The following SCHIP1 variants were observed in gnomAD, a reference collection of about 807,000 sequenced individuals.
SCHIP1 encodes schwannomin-interacting protein 1.
A neutral mutation model predicts 29.7 loss-of-function variants in SCHIP1; 8 were observed. The observed-to-expected ratio is 0.27, with a 90% CI of 0.16 to 0.49. SCHIP1 has a LOEUF of 0.49. SCHIP1 is among the 20% of genes least tolerant of loss of function. The pLI, the probability that SCHIP1 is intolerant of heterozygous loss-of-function variation, is 0.99. For synonymous variants in SCHIP1, 76 were observed against 94.9 expected (o/e 0.80, Z 1.16); for missense variants, 193 against 294.6 (o/e 0.66, Z 2.52).
In SCHIP1 at chr3:159,866,697, C is replaced by G. The variant is rs539029230; in HGVS notation, c.149+416C>G. ...ATTTGATTGCAATAAATACTCGTAA[C>G]TGAGAAATACAATTCCCGCTTTGAT... On this transcript the variant is annotated intron_variant, in intron 2 of 6. Coordinates refer to ENST00000445224, the Ensembl canonical transcript of SCHIP1. 7.2e-5 allele frequency among the ~76,000 whole-genome samples: 11 copies of G among 152,212 alleles called. 1 individual carries two copies. The South Asian group carries it at 2.3e-3, about 32-fold the overall frequency.
the SCHIP1 span, among the ~76,000 whole-genome samples, chr3:159,719,076 C>A: frequency 6.6e-6 from 1 of 152,096 alleles, no homozygotes; most frequent in Admixed American, 6.5e-5. Context: ...AGAAATGATA[C>A]CACACATCTA....
chr3:159,758,628 G>A, the SCHIP1 span, among the ~76,000 whole-genome samples: 1 of 152,226 alleles, frequency 6.6e-6, no homozygotes, highest in African/African-American at 2.4e-5. Context: ...CCTGTCAAGA[G>A]AGCACATTTC....
the SCHIP1 span, among the ~76,000 whole-genome samples, chr3:159,415,237 C>G: frequency 1.3e-5 from 2 of 152,026 alleles, no homozygotes; most frequent in East Asian, 3.9e-4. Context: ...GCAAATTACT[C>G]CAACTGAGTG....
chr3:159,599,396 A>G, the SCHIP1 span, among the ~76,000 whole-genome samples: 1 of 152,080 alleles, frequency 6.6e-6, no homozygotes, highest in African/African-American at 2.4e-5. Flanking sequence ...GTGGTGTTTT[A>G]TCCCTCACCC....
chr3:159,422,466 A>G, the SCHIP1 span, among the ~76,000 whole-genome samples: 1 of 152,192 alleles, frequency 6.6e-6, no homozygotes, highest in Admixed American at 6.5e-5. Context: ...TAAATCTTTT[A>G]TTGACATTTG....
At chr3:159,300,776 C>A in the SCHIP1 span, among the ~76,000 whole-genome samples, 5 of 152,148 alleles carry the variant, frequency 3.3e-5, no homozygotes, top group African/African-American at 7.2e-5. Context: ...TGTCTTCTTT[C>A]TCAAGCCATA....
the SCHIP1 span, among the ~76,000 whole-genome samples, chr3:159,357,874 C>T: frequency 0.027 from 4,147 of 152,198 alleles, 76 homozygotes; most frequent in East Asian, 0.11. Flanking sequence ...ATATGATGAA[C>T]TGGGGAATAA....
At chr3:159,321,374 G>A in the SCHIP1 span, among the ~76,000 whole-genome samples, 1 of 152,098 alleles carries the variant, frequency 6.6e-6, no homozygotes, top group Non-Finnish European at 1.5e-5. Flanking sequence ...CATTTCAGCT[G>A]GATAAATAGC....
chr3:159,333,961 C>G, the SCHIP1 span, among the ~76,000 whole-genome samples: 10 of 151,932 alleles, frequency 6.6e-5, no homozygotes, highest in African/African-American at 2.4e-4. Context: ...CCTGTTGAGC[C>G]AAAAAAGATA....
the SCHIP1 span, among the ~76,000 whole-genome samples, chr3:159,615,573 G>A: frequency 6.6e-6 from 1 of 152,164 alleles, no homozygotes; most frequent in African/African-American, 2.4e-5. Context: ...AAGTCCCATT[G>A]GCTTGAAGAT....
At chr3:159,892,731 G>C (rs1717668181) in intron 6 of SCHIP1, 1 of 156,122 alleles carries the variant, frequency 6.4e-6, no homozygotes, top group Non-Finnish European at 1.4e-5. Context: ...TCTTTGTAAA[G>C]AGGTAAAAAG....
chr3:159,353,210 C>T, the SCHIP1 span, among the ~76,000 whole-genome samples: 1 of 151,840 alleles, frequency 6.6e-6, no homozygotes, highest in Non-Finnish European at 1.5e-5. Flanking sequence ...ATACCTAATG[C>T]TAAATGATGA....
chr3:159,730,033 G>A, the SCHIP1 span, among the ~76,000 whole-genome samples: 149 of 152,260 alleles, frequency 9.8e-4, 4 homozygotes, highest in South Asian at 9.7e-3. Context: ...CTATCCATAT[G>A]AAATAAATGG....
the SCHIP1 span, chr3:159,765,079 C>G: frequency 6.4e-7 from 1 of 1,570,078 alleles, no homozygotes; most frequent in Non-Finnish European, 8.6e-7. Context: ...TCTGGCCGGG[C>G]TGCAGTTCCG....
At chr3:159,778,781 C>A in the SCHIP1 span, among the ~76,000 whole-genome samples, 2 of 152,144 alleles carry the variant, frequency 1.3e-5, no homozygotes, top group Non-Finnish European at 2.9e-5. Context: ...TATCCCTCCT[C>A]GGTGGAACTC....
chr3:159,526,573 A>G, the SCHIP1 span, among the ~76,000 whole-genome samples: 2 of 152,202 alleles, frequency 1.3e-5, no homozygotes, highest in Admixed American at 1.3e-4. Context: ...GCTGACTCCA[A>G]CGCTGACTTG....
At chr3:159,379,489 C>T in the SCHIP1 span, among the ~76,000 whole-genome samples, 1 of 152,180 alleles carries the variant, frequency 6.6e-6, no homozygotes, top group Non-Finnish European at 1.5e-5. Context: ...TCCCAAAGTG[C>T]TGGGATAACA....
At chr3:159,460,869 G>A in the SCHIP1 span, among the ~76,000 whole-genome samples, 2 of 152,116 alleles carry the variant, frequency 1.3e-5, no homozygotes, top group African/African-American at 2.4e-5. Context: ...ACCCTAGTTT[G>A]AAGTAGAGAA....
chr3:159,530,153 A>G, the SCHIP1 span, among the ~76,000 whole-genome samples: 1 of 152,098 alleles, frequency 6.6e-6, no homozygotes, highest in Non-Finnish European at 1.5e-5. Context: ...TTCTATTTTC[A>G]GTTTTTTGAG....
Sources: allele counts gnomAD v4.1 joint callset (sites outside exome capture counted in the v4.1 genomes callset), GRCh38; gene constraint gnomAD v4.1.1; transcripts MANE v1.5; gene names NCBI Gene and HGNC (gene_info 2026-07-23, HGNC 2026-07-21).